The following FGF13 variants were observed in gnomAD, a reference collection of about 807,000 sequenced individuals.
FGF13 encodes the protein fibroblast growth factor 13, also known as fibroblast growth factor homologous factor 2.
Under a neutral mutation model 19.5 loss-of-function variants are expected in FGF13, and 2 were observed. The observed-to-expected ratio is 0.10, with a 90% CI of 0.04 to 0.32. The LOEUF is 0.32. Ranked by LOEUF, FGF13 falls within the 10% of genes least tolerant of loss-of-function variation. The probability of loss-of-function intolerance (pLI) is 1.00; values close to 1 mark genes in which losing one functional copy is unlikely to be tolerated. For synonymous variants in FGF13, 72 were observed against 76.9 expected, an observed-to-expected ratio of 0.94 and a Z score of 0.33; for missense variants, 113 against 192.7, an observed-to-expected ratio of 0.59 and a Z score of 2.45.
At chrX:138,812,087 G>A (rs1295246282) in intron 3 of FGF13, among the ~76,000 whole-genome samples, 5 of 110,310 alleles carry the variant, frequency 4.5e-5, no homozygotes, top group African/African-American at 1.6e-4. Flanking sequence ...CCTCCTCCCA[G>A]CCCCTGCAAG....
intron 1 of FGF13, among the ~76,000 whole-genome samples, chrX:139,019,973 A>G (rs758723554): frequency 3.6e-5 from 4 of 110,620 alleles, no homozygotes; most frequent in African/African-American, 1.3e-4. Flanking sequence ...AAATAGTATC[A>G]CATTGAGCCC....
chrX:138,997,329 G>A (rs1185916302), intron 1 of FGF13, among the ~76,000 whole-genome samples: 4 of 111,903 alleles, frequency 3.6e-5, no homozygotes. Context: ...GACGGAGAAT[G>A]ATTTTGATGA....
At chrX:138,837,425 G>A (rs1028429043) in intron 3 of FGF13, among the ~76,000 whole-genome samples, 3 of 111,708 alleles carry the variant, frequency 2.7e-5, no homozygotes, top group Non-Finnish European at 5.6e-5. Flanking sequence ...AAATGGGGTT[G>A]GGGACCCACT....
At chrX:138,777,683 C>T (rs184304784) in intron 3 of FGF13, among the ~76,000 whole-genome samples, 3 of 111,551 alleles carry the variant, frequency 2.7e-5, no homozygotes, top group African/African-American at 6.5e-5. Context: ...TAAACCATGC[C>T]GACCAAAATA....
intron 1 of FGF13, among the ~76,000 whole-genome samples, chrX:138,924,770 G>GT: frequency 9.2e-6 from 1 of 108,562 alleles, no homozygotes; most frequent in East Asian, 2.9e-4. Flanking sequence ...GAAGGAAACC[G>GT]TAAGGGACAT....
intron 1 of FGF13, among the ~76,000 whole-genome samples, chrX:138,974,327 C>A (rs2091931375): frequency 9.0e-6 from 1 of 111,716 alleles, no homozygotes; most frequent in African/African-American, 3.3e-5. Flanking sequence ...TGTGACTCTT[C>A]ACTATTGGGT....
rs17510123 is a variant in FGF13, at chrX:138,702,382, T to C, written c.402+602A>G. On this transcript the variant is annotated intron_variant, in intron 3 of 4. Coordinates refer to ENST00000315930, the MANE Select transcript of FGF13 (RefSeq NM_004114.5). Reference sequence around the variant, plus strand: ...GTTCCATATTGAATTGTAATCTACATTGTTTATACATTCATCTGAGAAAAA... The same window carrying C: ...GTTCCATATTGAATTGTAATCTACACTGTTTATACATTCATCTGAGAAAAA... Among the ~76,000 whole-genome samples, 111 of 111,621 alleles carry C rather than the reference T, an allele frequency of 9.9e-4. No individual in the cohort carries two copies. The South Asian group carries it at 0.011, about 11-fold the overall frequency.
chrX:138,822,068 C>T (rs2091003172), intron 3 of FGF13, among the ~76,000 whole-genome samples: 1 of 111,422 alleles, frequency 9.0e-6, no homozygotes, highest in African/African-American at 3.3e-5. Flanking sequence ...CCTAAAAGAT[C>T]AAGATCAAGT....
In FGF13 at chrX:138,655,216, G is replaced by T. The variant is rs140920576; in HGVS notation, c.403-19561C>A. Among the ~76,000 whole-genome samples the T allele has an allele frequency of 5.2e-3, 575 of 111,585 alleles. 5 individuals carry two copies. The highest frequency in any genetic ancestry group is 0.018 in the African/African-American group (538 of 30,721). ...TGCCTGGTAGTCTTCATTTGGGAGTGGCCGTATCATAGAAAGAAGGAAACC... is the reference window on the plus strand; with the variant it reads ...TGCCTGGTAGTCTTCATTTGGGAGTTGCCGTATCATAGAAAGAAGGAAACC... On this transcript the variant is annotated intron_variant, in intron 3 of 4. Transcript: ENST00000315930.
At chrX:139,074,190 T>C (rs1410564960) in intron 1 of FGF13, among the ~76,000 whole-genome samples, 1 of 112,271 alleles carries the variant, frequency 8.9e-6, no homozygotes, top group Non-Finnish European at 1.9e-5. Context: ...TGAAAGCCAA[T>C]TTTTATTACA....
intron 1 of FGF13, among the ~76,000 whole-genome samples, chrX:139,112,900 C>T (rs2083613304): frequency 9.1e-6 from 1 of 110,414 alleles, no homozygotes; most frequent in Admixed American, 9.7e-5. Flanking sequence ...AATGCATCTC[C>T]AGGACCTGGA....
chrX:139,152,994 T>C (rs772827106), intron 1 of FGF13, among the ~76,000 whole-genome samples: 2 of 111,210 alleles, frequency 1.8e-5, no homozygotes, highest in East Asian at 2.9e-4. Flanking sequence ...GAAAAATAAG[T>C]AGGCAATTGG....
At chrX:139,200,376 C>T (rs2084406030) in intron 1 of FGF13, among the ~76,000 whole-genome samples, 1 of 112,191 alleles carries the variant, frequency 8.9e-6, no homozygotes, top group Non-Finnish European at 1.9e-5. Flanking sequence ...ACCACAGTGA[C>T]CTGTCCTTCT....
chrX:138,680,761 T>A (rs2089719678), intron 3 of FGF13, among the ~76,000 whole-genome samples: 1 of 111,369 alleles, frequency 9.0e-6, no homozygotes, highest in African/African-American at 3.3e-5. Flanking sequence ...CTACACTAGC[T>A]CCTAACATGA....
chrX:138,957,849 T>A, intron 1 of FGF13, among the ~76,000 whole-genome samples: 1 of 112,031 alleles, frequency 8.9e-6, no homozygotes, highest in Non-Finnish European at 1.9e-5. Flanking sequence ...TGTATAAGAA[T>A]GCTTGTGATG....
At chrX:139,087,771 C>T (rs1322500589) in intron 1 of FGF13, among the ~76,000 whole-genome samples, 1 of 112,128 alleles carries the variant, frequency 8.9e-6, no homozygotes, top group Non-Finnish European at 1.9e-5. Flanking sequence ...GTTTCTGTGT[C>T]TGTGCCCCTT....
At chrX:139,038,555 G>C (rs2092257910) in intron 1 of FGF13, among the ~76,000 whole-genome samples, 1 of 111,279 alleles carries the variant, frequency 9.0e-6, no homozygotes, top group South Asian at 3.8e-4. Context: ...GGGACATCAG[G>C]CTTCTTTTAG....
chrX:139,043,952 A>G (rs1254350822), intron 1 of FGF13, among the ~76,000 whole-genome samples: 2 of 111,681 alleles, frequency 1.8e-5, no homozygotes. Flanking sequence ...ATTAGAGCTT[A>G]CCAGGATCTT....
At chrX:138,703,336 A>C (rs1356625982) in intron 2 of FGF13, among the ~76,000 whole-genome samples, 1 of 112,024 alleles carries the variant, frequency 8.9e-6, no homozygotes, top group Admixed American at 9.5e-5. Context: ...CAGCCAGGTA[A>C]CTGGAGCTGT....
Sources: gnomAD v4.1 joint callset for allele counts (sites outside exome capture counted in the v4.1 genomes callset) on GRCh38, gnomAD v4.1.1 for gene constraint, MANE v1.5 for transcripts, NCBI Gene and HGNC (gene_info 2026-07-23, HGNC 2026-07-21) for gene names.